DCC: variants seen among roughly 807,000 people sequenced by gnomAD.
DCC encodes DCC netrin 1 receptor.
A neutral mutation model predicts 172.5 loss-of-function variants in DCC; 58 were observed. That is an observed-to-expected ratio of 0.34 (90% CI 0.27 to 0.42). The LOEUF is 0.42. Ranked by LOEUF, DCC falls within the 10% of genes least tolerant of loss-of-function variation. DCC has a pLI of 1.00. For missense variants in DCC, 1,740 were observed against 1,791.0 expected (o/e 0.97, Z 0.51); for synonymous variants, 709 against 644.5 (o/e 1.10, Z -1.52).
intron 5 of DCC, among the ~76,000 whole-genome samples, chr18:52,977,601 C>G (rs2041138665): frequency 6.6e-6 from 1 of 152,086 alleles, no homozygotes; most frequent in Non-Finnish European, 1.5e-5. Context: ...AAAAGCATAT[C>G]TGGGCCGGGC....
At chr18:52,986,771 AC>A (rs2041300290) in intron 5 of DCC, among the ~76,000 whole-genome samples, 1 of 149,236 alleles carries the variant, frequency 6.7e-6, no homozygotes, top group African/African-American at 2.6e-5. Context: ...GTATATATAT[AC>A]ACATACATAT....
intron 20 of DCC, among the ~76,000 whole-genome samples, chr18:53,410,900 T>G (rs954164704): frequency 6.6e-6 from 1 of 152,172 alleles, no homozygotes; most frequent in Non-Finnish European, 1.5e-5. Context: ...ATTGATGTCA[T>G]GTATATTGGT....
chr18:52,744,164 ATATT>A (rs2145119234), intron 1 of DCC, among the ~76,000 whole-genome samples: 1 of 152,306 alleles, frequency 6.6e-6, no homozygotes, highest in East Asian at 1.9e-4. Context: ...GTCTTATGCA[ATATT>A]TATTTAGTAT....
intron 1 of DCC, among the ~76,000 whole-genome samples, chr18:52,608,372 G>A (rs1336060637): frequency 6.6e-6 from 1 of 152,196 alleles, no homozygotes; most frequent in Non-Finnish European, 1.5e-5. Flanking sequence ...GAAGCAGAGA[G>A]AGGAGAGTTT....
intron 2 of DCC, among the ~76,000 whole-genome samples, chr18:52,851,044 A>G (rs940732777): frequency 1.4e-4 from 21 of 152,088 alleles, no homozygotes; most frequent in African/African-American, 4.8e-4. Context: ...AAATTGCTAA[A>G]AAGTCAGTAA....
At chr18:53,238,814 C>A (rs778397896) in intron 12 of DCC, among the ~76,000 whole-genome samples, 2 of 152,026 alleles carry the variant, frequency 1.3e-5, no homozygotes, top group Admixed American at 6.6e-5. Context: ...AATTTTCCTA[C>A]ATAAAGTGAA....
At chr18:53,344,440 C>CTTTTTTTTTTTTT (rs71175582) in intron 15 of DCC, among the ~76,000 whole-genome samples, 38 of 97,052 alleles carry the variant, frequency 3.9e-4, no homozygotes, top group East Asian at 6.5e-4. Context: ...TTTCGTTTTT[C>CTTTTTTTTTTTTT]TTTTTTTTTT....
intron 1 of DCC, among the ~76,000 whole-genome samples, chr18:52,405,112 A>G (rs1486431528): frequency 6.6e-6 from 1 of 151,232 alleles, no homozygotes; most frequent in South Asian, 2.1e-4. Context: ...GAATAATGCC[A>G]CAATAAACAT....
intron 1 of DCC, among the ~76,000 whole-genome samples, chr18:52,701,720 C>CA (rs397798418): frequency 1.5e-3 from 2 of 1,366 alleles, no homozygotes; most frequent in Non-Finnish European, 3.8e-3. Flanking sequence ...TTATGTTGGA[C>CA]TTTGTCACCT....
chr18:52,982,309 C>T (rs1033686849), intron 5 of DCC, among the ~76,000 whole-genome samples: 2 of 151,800 alleles, frequency 1.3e-5, no homozygotes, highest in Non-Finnish European at 2.9e-5. Context: ...CGAGCCATTT[C>T]CCCAGTGACA....
chr18:52,624,782 G>A (rs375774220), intron 1 of DCC, among the ~76,000 whole-genome samples: 7 of 152,172 alleles, frequency 4.6e-5, no homozygotes, highest in Non-Finnish European at 1.0e-4. Context: ...GCATAGGCAG[G>A]CTTTTCCATC....
At chr18:52,501,889 C>T (rs16955092) in intron 1 of DCC, among the ~76,000 whole-genome samples, 4,648 of 152,214 alleles carry the variant, frequency 0.031, 115 homozygotes, top group Admixed American at 0.059. Context: ...TGTGGGCAGT[C>T]TCTGGTATCC....
chr18:52,970,753 G>A (rs186605137), intron 5 of DCC, among the ~76,000 whole-genome samples: 2 of 152,258 alleles, frequency 1.3e-5, no homozygotes, highest in Admixed American at 1.3e-4. Flanking sequence ...TAAGCATTGG[G>A]AGAATTCATG....
At chr18:52,494,824 T>A (rs1386033037) in intron 1 of DCC, among the ~76,000 whole-genome samples, 2 of 152,130 alleles carry the variant, frequency 1.3e-5, no homozygotes, top group Admixed American at 6.6e-5. Flanking sequence ...GTTTTTATTT[T>A]AAAAATTGCA....
At chr18:52,664,215 T>G (rs2035417646) in intron 1 of DCC, among the ~76,000 whole-genome samples, 1 of 152,026 alleles carries the variant, frequency 6.6e-6, no homozygotes, top group Admixed American at 6.6e-5. Context: ...CAGAGAAAAC[T>G]GAATTATTTT....
intron 15 of DCC, among the ~76,000 whole-genome samples, chr18:53,362,114 A>G (rs1287934351): frequency 2.0e-5 from 3 of 152,114 alleles, no homozygotes; most frequent in Non-Finnish European, 4.4e-5. Context: ...CTCAACTGTT[A>G]CTTTCTATTT....
At chr18:52,792,420 C>T (rs747218543) in intron 2 of DCC, among the ~76,000 whole-genome samples, 21 of 152,200 alleles carry the variant, frequency 1.4e-4, no homozygotes, top group Non-Finnish European at 2.6e-4. Flanking sequence ...GCCAACACCC[C>T]ACCAGGGTGG....
chr18:52,817,791 T>TTATATA (rs151243256), intron 2 of DCC, among the ~76,000 whole-genome samples: 2 of 150,666 alleles, frequency 1.3e-5, no homozygotes, highest in Non-Finnish European at 1.5e-5. Context: ...TATAAAATGT[T>TTATATA]TATATATATA....
chr18:52,486,373 G>A (rs951936918), intron 1 of DCC, among the ~76,000 whole-genome samples: 6 of 152,060 alleles, frequency 3.9e-5, no homozygotes, highest in Non-Finnish European at 8.8e-5. Context: ...TAGGGATAGA[G>A]TTCAGGGATA....
Sources: allele counts gnomAD v4.1 joint callset (sites outside exome capture counted in the v4.1 genomes callset), GRCh38; gene constraint gnomAD v4.1.1; transcripts MANE v1.5; gene names NCBI Gene and HGNC (gene_info 2026-07-23, HGNC 2026-07-21).